Variants in SNX25 observed in about 807,000 individuals in gnomAD.
SNX25 encodes sorting nexin 25.
Under a neutral mutation model 113.7 loss-of-function variants are expected in SNX25, and 62 were observed. The ratio of observed to expected loss-of-function variants is 0.55; its 90% CI spans 0.44 to 0.67. SNX25 has a LOEUF of 0.67. Ranked by LOEUF, SNX25 falls within the 30% of genes least tolerant of loss-of-function variation. SNX25 has a pLI of 0.00. For missense variants in SNX25, 1,014 were observed against 1,161.0 expected (o/e 0.87, Z 1.84); for synonymous variants, 421 against 436.2 (o/e 0.97, Z 0.43).
At chr4:185,255,280 C>T (rs1746254301) in intron 2 of SNX25, among the ~76,000 whole-genome samples, 1 of 151,942 alleles carries the variant, frequency 6.6e-6, no homozygotes, top group Non-Finnish European at 1.5e-5. Context: ...ATTACAGGCG[C>T]CTGCCACCAC....
chr4:185,338,439 C>T (rs2095243610), intron 10 of SNX25, among the ~76,000 whole-genome samples: 1 of 151,992 alleles, frequency 6.6e-6, no homozygotes, highest in Admixed American at 6.6e-5. Flanking sequence ...CAACCCCCTC[C>T]ACCACACCTG....
chr4:185,300,159 G>A (rs1191815534), intron 6 of SNX25, among the ~76,000 whole-genome samples: 1 of 125,142 alleles, frequency 8.0e-6, no homozygotes, highest in East Asian at 2.9e-4. Context: ...ATGTCCACTA[G>A]GAAATTTTTT....
chr4:185,226,940 GAGAGAGGACA>G (rs931770924), intron 1 of SNX25, among the ~76,000 whole-genome samples: 3 of 152,180 alleles, frequency 2.0e-5, no homozygotes, highest in African/African-American at 7.2e-5. Flanking sequence ...ACACAGTCCA[GAGAGAGGACA>G]AGCTCAGGGC....
intron 6 of SNX25, among the ~76,000 whole-genome samples, chr4:185,292,782 G>T (rs1390142847): frequency 6.6e-6 from 1 of 152,162 alleles, no homozygotes; most frequent in Non-Finnish European, 1.5e-5. Context: ...AATTATCCAG[G>T]TGTGGTGGTG....
chr4:185,370,829 A>G (rs1416902149), downstream of SNX25: 1 of 1,613,354 alleles, frequency 6.2e-7, no homozygotes, highest in Non-Finnish European at 8.5e-7. Context: ...GAGGATGTAG[A>G]GTTGTGAAAT....
In SNX25 at chr4:185,232,890, GA is replaced by G. The variant is rs1449863963; in HGVS notation, c.430-14403del. Among the ~76,000 whole-genome samples the G allele has an allele frequency of 2.0e-5, 3 of 152,190 alleles. No homozygotes were observed. The highest frequency in any genetic ancestry group is 4.4e-5 in the Non-Finnish European group (3 of 68,042). Reference sequence around the variant, plus strand: ...GACCTGGGCTAGAAAGTGAAATGTAGAGAGCATGCCAGAATAGGAAGAATAT... The same window carrying G: ...GACCTGGGCTAGAAAGTGAAATGTAGGAGCATGCCAGAATAGGAAGAATAT... On this transcript the variant is annotated intron_variant, in intron 1 of 18. Transcript: ENST00000652585. The surrounding 1 kb of genome is among the most constrained non-coding windows in gnomAD (Gnocchi z 4.4).
rs79220026 is a variant in SNX25, at chr4:185,276,920, T to C, written c.1091+9765T>C. On this transcript the variant is annotated intron_variant, in intron 5 of 18. Coordinates refer to ENST00000652585, the MANE Select transcript of SNX25 (RefSeq NM_001378034.2). ...CTGTGATCAGATAAAAAGCCTCCTC[T>C]TGCCCTAAGGAGGAGTAGGCGAAGG... Among the ~76,000 whole-genome samples, 429 of 152,260 alleles carry C rather than the reference T, an allele frequency of 2.8e-3. 13 individuals are homozygous for C. The South Asian group carries it at 0.055, about 19-fold the overall frequency.
chr4:185,312,952 G>A (rs539123885), intron 7 of SNX25, among the ~76,000 whole-genome samples: 2 of 152,268 alleles, frequency 1.3e-5, no homozygotes, highest in African/African-American at 4.8e-5. Flanking sequence ...AATTCCAATA[G>A]TTATGGTCAT....
intron 2 of SNX25, among the ~76,000 whole-genome samples, chr4:185,251,379 A>C (rs1212351067): frequency 6.6e-6 from 1 of 152,192 alleles, no homozygotes; most frequent in Non-Finnish European, 1.5e-5. Flanking sequence ...GAAACTCTTT[A>C]CTTATTAAGT....
chr4:185,371,467 G>A (rs889343834), downstream of SNX25, among the ~76,000 whole-genome samples: 1 of 149,604 alleles, frequency 6.7e-6, no homozygotes, highest in African/African-American at 2.5e-5. Flanking sequence ...GCGTGAACCC[G>A]GAAGGCAGAG....
chr4:185,345,781 C>T (rs1290089429), intron 12 of SNX25, among the ~76,000 whole-genome samples: 4 of 151,294 alleles, frequency 2.6e-5, no homozygotes, highest in African/African-American at 9.8e-5. Context: ...CAGACTGAGA[C>T]CCTGTTTCAA....
At chr4:185,257,649 T>G (rs1746652697) in intron 2 of SNX25, among the ~76,000 whole-genome samples, 1 of 152,238 alleles carries the variant, frequency 6.6e-6, no homozygotes, top group African/African-American at 2.4e-5. Flanking sequence ...TTTTTATTTT[T>G]ATTGTTTATC....
At chr4:185,278,416 C>T (rs916522700) in intron 5 of SNX25, among the ~76,000 whole-genome samples, 5 of 152,170 alleles carry the variant, frequency 3.3e-5, no homozygotes, top group South Asian at 4.1e-4. Flanking sequence ...ATTTAAACTT[C>T]GAGCCTCAGT....
rs762223159 is a variant in SNX25, at chr4:185,362,696, C to A, written c.2919C>A (p.Asn973Lys). Residue 973 changes from asparagine (N) to lysine (K), a missense_variant, in exon 18 of 19, where the codon AAC (asparagine) becomes AAA (lysine). Coordinates refer to ENST00000652585, the MANE Select transcript of SNX25 (RefSeq NM_001378034.2). ...IFNALQETRA[N>K]KHLLYALMEL... Reference sequence around the variant, plus strand: ...ATGCACTGCAAGAAACAAGAGCCAACAAGCATCTGTTATATGTGAGTAAAT... The same window carrying A: ...ATGCACTGCAAGAAACAAGAGCCAAAAAGCATCTGTTATATGTGAGTAAAT... 1 of 1,613,994 alleles carries A rather than the reference C, an allele frequency of 6.2e-7. No homozygotes were observed. The highest frequency in any genetic ancestry group is 2.2e-5 in the East Asian group (1 of 44,878).
At chr4:185,289,607 A>G (rs1751865905) in intron 6 of SNX25, among the ~76,000 whole-genome samples, 1 of 152,194 alleles carries the variant, frequency 6.6e-6, no homozygotes, top group Admixed American at 6.5e-5. Flanking sequence ...CTGAATGAGG[A>G]CGTCTTTAAA....
Position 185,285,374 on chromosome 4 carries a change from A to G in SNX25, c.1092-2638A>G, listed in dbSNP as rs530275097. On this transcript the variant is annotated intron_variant, in intron 5 of 18. Coordinates refer to ENST00000652585, the MANE Select transcript of SNX25 (RefSeq NM_001378034.2). ...AGAAAAGATTAAGAAATGTTTGTTTAATGAAAGCATCATTGGCCATACTCA... is the reference window on the plus strand; with the variant it reads ...AGAAAAGATTAAGAAATGTTTGTTTGATGAAAGCATCATTGGCCATACTCA... Among the ~76,000 whole-genome samples the G allele has an allele frequency of 2.0e-5, 3 of 152,332 alleles. No individual in the cohort carries two copies. The East Asian group carries it at 5.8e-4, about 29-fold the overall frequency.
intron 5 of SNX25, among the ~76,000 whole-genome samples, chr4:185,281,742 G>A (rs969027166): frequency 1.3e-5 from 2 of 152,164 alleles, no homozygotes; most frequent in African/African-American, 4.8e-5. Context: ...TAAGCTGGGT[G>A]CGGTGGTTCA....
intron 6 of SNX25, among the ~76,000 whole-genome samples, chr4:185,294,784 A>C (rs1321642817): frequency 4.6e-5 from 7 of 152,126 alleles, no homozygotes; most frequent in Non-Finnish European, 2.9e-5. Flanking sequence ...GGTGCTTTCA[A>C]TTTTAAATAA....
intron 1 of SNX25, among the ~76,000 whole-genome samples, chr4:185,245,982 A>G (rs1260016641): frequency 6.6e-6 from 1 of 152,102 alleles, no homozygotes; most frequent in Non-Finnish European, 1.5e-5. Flanking sequence ...TAGGAGTGGC[A>G]TTGCAGAATA....
Sources: gnomAD v4.1 joint callset for allele counts (sites outside exome capture counted in the v4.1 genomes callset) on GRCh38, gnomAD v4.1.1 for gene constraint, Gnocchi (gnomAD v3.1) non-coding constraint, MANE v1.5 for transcripts, NCBI Gene and HGNC (gene_info 2026-07-23, HGNC 2026-07-21) for gene names.